The following TBC1D8 variants were observed in gnomAD, a reference collection of about 807,000 sequenced individuals.
The protein encoded by TBC1D8 is BUB2-like protein 1.
A neutral mutation model predicts 118.8 loss-of-function variants in TBC1D8; 65 were observed. That is an observed-to-expected ratio of 0.55 (90% CI 0.45 to 0.67). The LOEUF is 0.67. Ranked by LOEUF, TBC1D8 falls within the 30% of genes least tolerant of loss-of-function variation. TBC1D8 has a pLI of 0.00. For synonymous variants in TBC1D8, 566 were observed against 595.8 expected (o/e 0.95, Z 0.73); for missense variants, 1,376 against 1,471.2 (o/e 0.94, Z 1.06).
intron 2 of TBC1D8, among the ~76,000 whole-genome samples, chr2:101,077,172 C>T (rs530644098): frequency 6.6e-6 from 1 of 151,116 alleles, no homozygotes; most frequent in Non-Finnish European, 1.5e-5. Flanking sequence ...TACAGGTGCC[C>T]ACCACCACGC....
At chr2:101,015,122 A>G (rs766160445) in intron 17 of TBC1D8, among the ~76,000 whole-genome samples, 11 of 152,230 alleles carry the variant, frequency 7.2e-5, no homozygotes, top group Non-Finnish European at 1.3e-4. Flanking sequence ...TGTTGTTCCT[A>G]GGCTACAAAC....
chr2:101,145,396 G>A (rs1220125758), intron 1 of TBC1D8, among the ~76,000 whole-genome samples: 4 of 152,136 alleles, frequency 2.6e-5, no homozygotes, highest in Non-Finnish European at 4.4e-5. Flanking sequence ...AAATACCAAA[G>A]CATGTAAGAC....
intron 1 of TBC1D8, among the ~76,000 whole-genome samples, chr2:101,122,690 C>T (rs1158026816): frequency 6.6e-6 from 1 of 151,840 alleles, no homozygotes; most frequent in Non-Finnish European, 1.5e-5. Flanking sequence ...TACATGAAAC[C>T]GAAATGAATT....
chr2:101,030,925 G>A (rs1160688646), intron 11 of TBC1D8, among the ~76,000 whole-genome samples: 1 of 152,226 alleles, frequency 6.6e-6, no homozygotes, highest in African/African-American at 2.4e-5. Context: ...CAAGGTTCAA[G>A]AGTAGGCCAA....
intron 1 of TBC1D8, 53 bp from the exon 2 acceptor site, chr2:101,090,417 C>A (rs1051841760): frequency 6.2e-7 from 1 of 1,600,320 alleles, no homozygotes; most frequent in South Asian, 1.1e-5. Flanking sequence ...CTGGCCAGCT[C>A]CTCATGCGTG....
At chr2:101,061,591 C>T (rs986858928) in intron 2 of TBC1D8, among the ~76,000 whole-genome samples, 2 of 152,194 alleles carry the variant, frequency 1.3e-5, no homozygotes, top group African/African-American at 4.8e-5. Context: ...TGCCTGAGGT[C>T]TCTATTCACA....
chr2:101,018,898 A>G (rs868496916), intron 17 of TBC1D8: 17 of 1,472,926 alleles, frequency 1.2e-5, no homozygotes, highest in Middle Eastern at 1.7e-4. Flanking sequence ...AGGTTTATCA[A>G]TCTGCAGTGA....
intron 1 of TBC1D8, among the ~76,000 whole-genome samples, chr2:101,143,548 AG>A (rs1412126864): frequency 6.6e-6 from 1 of 152,122 alleles, no homozygotes; most frequent in African/African-American, 2.4e-5. Flanking sequence ...GGTTACCAAT[AG>A]GTAGTTCTTC....
Position 101,007,711 on chromosome 2 carries a change from G to A in TBC1D8, c.*110C>T, listed in dbSNP as rs1395322111. On this transcript the variant is annotated 3_prime_UTR_variant, in exon 20 of 20. Coordinates refer to ENST00000409318, the MANE Select transcript of TBC1D8 (RefSeq NM_001330348.2). ...AGTTTGTCAGGTTGTTTAGCCAGAT[G>A]CCCCATTGGTAAGGTAGACTGAAAT... 1.5e-5 allele frequency: 17 copies of A among 1,104,430 alleles called. No homozygotes were observed. The highest frequency in any genetic ancestry group is 2.1e-5 in the Non-Finnish European group (16 of 765,074). 68.4% of individuals were successfully genotyped at this position (1,104,430 alleles called of 1,614,324 possible).
intron 2 of TBC1D8, among the ~76,000 whole-genome samples, chr2:101,069,465 A>G (rs1342454292): frequency 2.0e-5 from 3 of 152,052 alleles, no homozygotes; most frequent in East Asian, 1.9e-4. Flanking sequence ...GCTTGCCTGT[A>G]ATCCCAGCTA....
chr2:101,028,667 C>T (rs572292499), intron 12 of TBC1D8: 272 of 464,770 alleles, frequency 5.9e-4, no homozygotes, highest in Non-Finnish European at 8.1e-4. Flanking sequence ...GTGAAGTAAG[C>T]CCAACATTCT....
intron 13 of TBC1D8, 60 bp from the exon 14 acceptor site, chr2:101,028,206 G>T (rs1366650638): frequency 9.3e-6 from 15 of 1,605,358 alleles, no homozygotes; most frequent in Non-Finnish European, 1.2e-5. Flanking sequence ...GTGGAAACAG[G>T]AAGTGGCCCA....
chr2:101,050,293 TTAAATC>T, intron 5 of TBC1D8, 102 bp downstream of exon 5: 1 of 1,470,242 alleles, frequency 6.8e-7, no homozygotes, highest in Non-Finnish European at 9.0e-7. Flanking sequence ...CAAGGGAAAT[TTAAATC>T]TAACATAACC....
rs1421540045 is a variant in TBC1D8 at position 101,040,263 on chromosome 2, G to A, written c.995C>T (p.Thr332Met). Reference sequence around the variant, plus strand: ...GCTGTCAGAGGCGAACATCCGCCCCGTGGTGTGACAGCGACTGAACGGCGT... The same window carrying A: ...GCTGTCAGAGGCGAACATCCGCCCCATGGTGTGACAGCGACTGAACGGCGT... Reference protein sequence around the residue: ...LWTPFSRCHTTGRMFASDSYI... With the variant: ...LWTPFSRCHTMGRMFASDSYI... Residue 332 changes from threonine (T) to methionine (M), a missense_variant, in exon 6 of 20, where the codon ACG (threonine) becomes ATG (methionine). Transcript: ENST00000409318. The A allele has an allele frequency of 7.4e-6, 12 of 1,613,864 alleles. No individual in the cohort carries two copies. In the South Asian group the frequency reaches 7.7e-5, roughly 10 times the overall value.
rs368626474 is a variant in TBC1D8 at position 101,028,000 on chromosome 2, T to G, written c.2451+48A>C. 21 of 1,568,932 alleles carry G rather than the reference T, an allele frequency of 1.3e-5. No homozygotes were observed. In the Admixed American group the frequency reaches 2.9e-4, roughly 21 times the overall value. On this transcript the variant is annotated intron_variant, in intron 14 of 19. Transcript: ENST00000409318. ...ACCAAAAAGGATGCGCACTCCCAGG[T>G]TGGCTCCCCAATACCGTGATCACCG... is the stretch of plus-strand genomic sequence containing the variant.
intron 2 of TBC1D8, among the ~76,000 whole-genome samples, chr2:101,088,075 T>C (rs1675756074): frequency 6.6e-6 from 1 of 152,242 alleles, no homozygotes; most frequent in Non-Finnish European, 1.5e-5. Flanking sequence ...GTAATACTTT[T>C]GTTATAAAAC....
chr2:101,097,230 C>A (rs1323609569), intron 1 of TBC1D8, among the ~76,000 whole-genome samples: 1 of 151,784 alleles, frequency 6.6e-6, no homozygotes, highest in African/African-American at 2.4e-5. Context: ...AATTATCCTT[C>A]AAAATTGAAG....
chr2:101,149,761 TGCGTCACG>T (rs1276993933), intron 1 of TBC1D8, among the ~76,000 whole-genome samples: 1 of 152,056 alleles, frequency 6.6e-6, no homozygotes, highest in Non-Finnish European at 1.5e-5. Flanking sequence ...AGCACCAGGG[TGCGTCACG>T]GGGCCCAACA....
At chr2:101,088,783 G>A (rs1675813380) in intron 2 of TBC1D8, among the ~76,000 whole-genome samples, 2 of 151,978 alleles carry the variant, frequency 1.3e-5, no homozygotes, top group South Asian at 4.2e-4. Flanking sequence ...TGTCACCCAG[G>A]CTGGCCTTGA....
Sources: gnomAD v4.1 joint callset for allele counts (sites outside exome capture counted in the v4.1 genomes callset) on GRCh38, gnomAD v4.1.1 for gene constraint, MANE v1.5 for transcripts, NCBI Gene and HGNC (gene_info 2026-07-23, HGNC 2026-07-21) for gene names.